Variants in PDE7B observed in about 807,000 individuals in gnomAD.
PDE7B encodes the protein 3',5'-cyclic-AMP phosphodiesterase 7B.
PDE7B carries 29 observed loss-of-function variants against 56.2 expected under a neutral mutation model. That is an observed-to-expected ratio of 0.52 (90% CI 0.38 to 0.70). The LOEUF (loss-of-function observed/expected upper bound fraction) is 0.70. Among genes scored for constraint, PDE7B ranks in the 30% least tolerant of loss-of-function variants. PDE7B has a pLI of 0.00. For synonymous variants in PDE7B, 197 were observed against 196.9 expected (o/e 1.00, Z 0.00); for missense variants, 490 against 565.0 (o/e 0.87, Z 1.35).
intron 2 of PDE7B, among the ~76,000 whole-genome samples, chr6:135,958,806 C>T (rs978666076): frequency 6.6e-6 from 1 of 152,060 alleles, no homozygotes; most frequent in African/African-American, 2.4e-5. Context: ...GTATAGAAAG[C>T]TCAGTTTTCA....
At chr6:135,988,437 A>G (rs931136959) in intron 2 of PDE7B, among the ~76,000 whole-genome samples, 1 of 152,218 alleles carries the variant, frequency 6.6e-6, no homozygotes, top group Non-Finnish European at 1.5e-5. Context: ...TATTTAAATT[A>G]GACAGAATTT....
intron 2 of PDE7B, chr6:136,071,341 A>G (rs533385543): frequency 1.3e-5 from 2 of 152,308 alleles, no homozygotes; most frequent in East Asian, 3.9e-4. Context: ...AATTACAGAG[A>G]CTGCCTTGTA....
intron 2 of PDE7B, among the ~76,000 whole-genome samples, chr6:136,054,236 G>A (rs1776687953): frequency 6.6e-6 from 1 of 152,246 alleles, no homozygotes; most frequent in Non-Finnish European, 1.5e-5. Flanking sequence ...TTTGTATAAG[G>A]TGTAAGGAAG....
Position 135,953,422 on chromosome 6 carries a change from C to A in PDE7B, c.82+5898C>A, listed in dbSNP as rs1234086805. Among the ~76,000 whole-genome samples the A allele has an allele frequency of 2.0e-5, 3 of 152,206 alleles. No homozygotes were observed. In the East Asian group the frequency reaches 5.8e-4, roughly 29 times the overall value. ...TGGTACCAGCTAATAACTGTGTGAGCAGAGGCATGTCATTTAGGGGTTGTA... is the reference window on the plus strand; with the variant it reads ...TGGTACCAGCTAATAACTGTGTGAGAAGAGGCATGTCATTTAGGGGTTGTA... On this transcript the variant is annotated intron_variant, in intron 2 of 12. Transcript: ENST00000308191.
At chr6:136,000,179 T>C (rs1220654702) in intron 2 of PDE7B, among the ~76,000 whole-genome samples, 1 of 152,212 alleles carries the variant, frequency 6.6e-6, no homozygotes. Context: ...GTTTGCATAG[T>C]TTTCTCCCAT....
chr6:136,127,585 G>A (rs1024040168), intron 3 of PDE7B, among the ~76,000 whole-genome samples: 1 of 152,048 alleles, frequency 6.6e-6, no homozygotes. Flanking sequence ...CTTAAAGTTG[G>A]TAAAAATAAA....
intron 12 of PDE7B, among the ~76,000 whole-genome samples, chr6:136,189,391 C>T (rs1779187322): frequency 6.6e-6 from 1 of 152,030 alleles, no homozygotes; most frequent in Admixed American, 6.5e-5. Context: ...AGGCAAAACC[C>T]CATCTCCACA....
At chr6:136,140,561 A>T (rs186215498) in intron 3 of PDE7B, among the ~76,000 whole-genome samples, 280 of 152,300 alleles carry the variant, frequency 1.8e-3, no homozygotes, top group Non-Finnish European at 2.9e-3. Context: ...TTACCTTGGC[A>T]GTATGGCCAT....
intron 2 of PDE7B, among the ~76,000 whole-genome samples, chr6:136,077,376 G>T (rs1394603550): frequency 6.6e-6 from 1 of 152,118 alleles, no homozygotes; most frequent in Admixed American, 6.5e-5. Flanking sequence ...ATCCAAGGTG[G>T]CTTAGCTGTG....
chr6:135,943,896 A>G (rs1160502391), intron 1 of PDE7B, among the ~76,000 whole-genome samples: 1 of 152,212 alleles, frequency 6.6e-6, no homozygotes, highest in African/African-American at 2.4e-5. Flanking sequence ...GAAGGAGATC[A>G]TGTGCCAGCA....
chr6:136,051,519 T>C (rs1262644626), intron 2 of PDE7B, among the ~76,000 whole-genome samples: 1 of 152,194 alleles, frequency 6.6e-6, no homozygotes, highest in African/African-American at 2.4e-5. Context: ...GAATTATGGA[T>C]TTTATGTCAA....
chr6:136,134,067 T>C (rs1267282290), intron 3 of PDE7B, among the ~76,000 whole-genome samples: 4 of 152,066 alleles, frequency 2.6e-5, no homozygotes, highest in Admixed American at 2.6e-4. Flanking sequence ...TTGAAGGACT[T>C]GGAGCAGGGG....
At chr6:136,052,900 C>T (rs547738849) in intron 2 of PDE7B, among the ~76,000 whole-genome samples, 3 of 152,144 alleles carry the variant, frequency 2.0e-5, no homozygotes, top group Middle Eastern at 6.8e-3. Context: ...CATCCTCATT[C>T]CCCCCAGTTG....
chr6:136,181,753 T>A (rs1410589584), intron 11 of PDE7B, among the ~76,000 whole-genome samples: 1 of 140,626 alleles, frequency 7.1e-6, no homozygotes, highest in African/African-American at 3.3e-5. Context: ...TCCTTCTCCT[T>A]GCTTTCTTAA....
Position 135,851,913 on chromosome 6 carries a change from T to C in PDE7B, c.-86T>C. 1.1e-6 allele frequency: 1 copy of C among 895,536 alleles called. No individual in the cohort carries two copies. The allele number at this position is 895,536 out of a possible 1,614,324, so 55.5% of individuals were successfully genotyped here. On this transcript the variant is annotated 5_prime_UTR_variant, in exon 1 of 13. Transcript: ENST00000308191. ...CCTAATCCTGGATGAAGTTGCTGGA[T>C]TCTGCAGCACAAGTCTTCATGAACA...
chr6:136,163,588 T>C (rs1247699909), intron 8 of PDE7B, among the ~76,000 whole-genome samples: 1 of 152,268 alleles, frequency 6.6e-6, no homozygotes, highest in Non-Finnish European at 1.5e-5. Flanking sequence ...TATGCAAATT[T>C]CTGCAGCTGG....
rs751020681 is a variant in PDE7B, at chr6:135,852,533, G to T, written c.21+514G>T. ...GTGGCAAGAAGGGAAGAAGCTGATA[G>T]TGAGACTGAAGGTAGAAAAAAATCA... On this transcript the variant is annotated intron_variant, in intron 1 of 12. Transcript: ENST00000308191. 2.0e-5 allele frequency among the ~76,000 whole-genome samples: 3 copies of T among 152,146 alleles called. No individual in the cohort carries two copies. The South Asian group carries it at 6.2e-4, about 32-fold the overall frequency.
chr6:136,097,067 C>A lies in PDE7B; in HGVS notation c.83-11664C>A, dbSNP rs1459192550. Among the ~76,000 whole-genome samples the A allele has an allele frequency of 2.6e-5, 4 of 151,758 alleles. No homozygotes were observed. The East Asian group carries it at 5.8e-4, about 22-fold the overall frequency. On this transcript the variant is annotated intron_variant, in intron 2 of 12. Coordinates refer to ENST00000308191, the MANE Select transcript of PDE7B (RefSeq NM_018945.4). ...GACTCCCACTTCTCCTTTACAGACT[C>A]CTCCTCCTCCAACAAGTGATTAAAT... is the stretch of plus-strand genomic sequence containing the variant.
intron 2 of PDE7B, chr6:136,035,265 G>A (rs1776308266): frequency 6.6e-6 from 1 of 152,068 alleles, no homozygotes; most frequent in African/African-American, 2.4e-5. Context: ...AAAATTATAG[G>A]TTTACAGGCA....
Sources: allele counts gnomAD v4.1 joint callset (sites outside exome capture counted in the v4.1 genomes callset), GRCh38; gene constraint gnomAD v4.1.1; transcripts MANE v1.5; gene names NCBI Gene and HGNC (gene_info 2026-07-23, HGNC 2026-07-21).